The following NUP98 variants were observed in gnomAD, a reference collection of about 807,000 sequenced individuals.
NUP98 encodes nucleoporin 98 and 96 precursor, also known as nuclear pore complex protein Nup98-Nup96.
Under a neutral mutation model 191.9 loss-of-function variants are expected in NUP98, and 26 were observed. That is an observed-to-expected ratio of 0.14 (90% CI 0.10 to 0.19). The LOEUF (loss-of-function observed/expected upper bound fraction) is 0.19. NUP98 is among the 10% of genes least tolerant of loss of function. The pLI is 1.00. For missense variants in NUP98, 1,941 were observed against 2,178.8 expected, an observed-to-expected ratio of 0.89 and a Z score of 2.17; for synonymous variants, 808 against 778.4, an observed-to-expected ratio of 1.04 and a Z score of -0.63.
intron 13 of NUP98, among the ~76,000 whole-genome samples, chr11:3,734,539 T>C (rs555309683): frequency 8.9e-4 from 136 of 152,340 alleles, no homozygotes; most frequent in Non-Finnish European, 1.6e-3. Flanking sequence ...GCAAAATGAC[T>C]TTCTCATTTT....
intron 4 of NUP98, among the ~76,000 whole-genome samples, chr11:3,777,874 A>AACTAAATATTTAT (rs1158416514): frequency 3.3e-5 from 5 of 151,972 alleles, no homozygotes; most frequent in African/African-American, 1.2e-4. Flanking sequence ...TAAATATTTC[A>AACTAAATATTTAT]ATGTTATACA....
At chr11:3,688,025 T>C (rs1306510145) in intron 28 of NUP98, among the ~76,000 whole-genome samples, 34 of 152,208 alleles carry the variant, frequency 2.2e-4, no homozygotes, top group Non-Finnish European at 2.9e-5. Flanking sequence ...TATGGGAAGA[T>C]GAAAAAGTTC....
intron 13 of NUP98, among the ~76,000 whole-genome samples, chr11:3,734,262 A>C (rs1254933830): frequency 5.3e-5 from 8 of 152,098 alleles, no homozygotes; most frequent in Admixed American, 2.6e-4. Context: ...TCGTGAACTG[A>C]ACTCAGGTGA....
chr11:3,745,919 T>C (rs2080471281), intron 11 of NUP98, among the ~76,000 whole-genome samples: 3 of 152,038 alleles, frequency 2.0e-5, no homozygotes, highest in Admixed American at 2.0e-4. Flanking sequence ...ACCCACACAA[T>C]ATAAATCAGT....
chr11:3,714,538 G>A (rs1162885732), intron 18 of NUP98, among the ~76,000 whole-genome samples: 1 of 152,120 alleles, frequency 6.6e-6, no homozygotes, highest in Admixed American at 6.6e-5. Flanking sequence ...TGACTACTAG[G>A]ATGTAATAGG....
intron 12 of NUP98, among the ~76,000 whole-genome samples, chr11:3,740,226 C>CTAA (rs1564868613): frequency 6.6e-6 from 1 of 151,948 alleles, no homozygotes; most frequent in Non-Finnish European, 1.5e-5. Flanking sequence ...AATGGAAAGT[C>CTAA]TAAGCCAGGC....
chr11:3,795,440 T>C (rs955541279), intron 1 of NUP98, among the ~76,000 whole-genome samples: 3 of 152,136 alleles, frequency 2.0e-5, no homozygotes, highest in African/African-American at 4.8e-5. Context: ...AGTGAGACCC[T>C]ATCTCATAAA....
chr11:3,678,439 G>A (rs2077885505), intron 31 of NUP98, among the ~76,000 whole-genome samples: 1 of 152,164 alleles, frequency 6.6e-6, no homozygotes, highest in Admixed American at 6.5e-5. Context: ...ATAGCAACCT[G>A]AAAATATGAA....
intron 15 of NUP98, among the ~76,000 whole-genome samples, chr11:3,724,240 T>A (rs1338507642): frequency 6.6e-6 from 1 of 151,618 alleles, no homozygotes; most frequent in East Asian, 1.9e-4. Context: ...AAGACCAGCT[T>A]GACCAACATG....
chr11:3,785,509 A>C (rs1278473220), intron 1 of NUP98, among the ~76,000 whole-genome samples: 7 of 152,210 alleles, frequency 4.6e-5, no homozygotes, highest in Non-Finnish European at 1.0e-4. Flanking sequence ...CTGTAATCCC[A>C]GCACTTTGGG....
At chr11:3,728,004 G>A (rs1465584687) in intron 14 of NUP98, among the ~76,000 whole-genome samples, 1 of 152,002 alleles carries the variant, frequency 6.6e-6, no homozygotes, top group Non-Finnish European at 1.5e-5. Context: ...CTGGGTGACA[G>A]AGTAAGACCC....
chr11:3,716,152 A>C (rs2079173096), intron 18 of NUP98, among the ~76,000 whole-genome samples: 1 of 152,140 alleles, frequency 6.6e-6, no homozygotes, highest in African/African-American at 2.4e-5. Context: ...TCATTGCCAA[A>C]ACCAATGTTA....
intron 11 of NUP98, among the ~76,000 whole-genome samples, chr11:3,749,164 C>T (rs1430412257): frequency 2.7e-5 from 4 of 150,732 alleles, no homozygotes; most frequent in African/African-American, 4.9e-5. Flanking sequence ...AAAAATTAGC[C>T]GGGCGCGGTG....
intron 11 of NUP98, among the ~76,000 whole-genome samples, chr11:3,751,140 CCT>C: frequency 6.6e-6 from 1 of 152,108 alleles, no homozygotes; most frequent in East Asian, 1.9e-4. Flanking sequence ...GGGCAGATCA[CCT>C]GAGGTCAGGG....
intron 22 of NUP98, among the ~76,000 whole-genome samples, chr11:3,704,705 C>A (rs1467043907): frequency 2.0e-5 from 3 of 152,192 alleles, no homozygotes; most frequent in Admixed American, 2.0e-4. Flanking sequence ...AATTCTAGTT[C>A]TTAAAAACCG....
At chr11:3,692,233 G>A (rs2078335643) in intron 27 of NUP98, among the ~76,000 whole-genome samples, 1 of 151,560 alleles carries the variant, frequency 6.6e-6, no homozygotes, top group Non-Finnish European at 1.5e-5. Flanking sequence ...GGAGGCTGGG[G>A]CCCAGGAGGT....
At chr11:3,790,333 A>C (rs2082293720) in intron 1 of NUP98, among the ~76,000 whole-genome samples, 1 of 152,152 alleles carries the variant, frequency 6.6e-6, no homozygotes, top group African/African-American at 2.4e-5. Context: ...GGCTGAAGTG[A>C]AGAGGGAGTA....
chr11:3,703,187 A>G (rs1037418964), intron 22 of NUP98, among the ~76,000 whole-genome samples: 1 of 150,762 alleles, frequency 6.6e-6, no homozygotes, highest in Admixed American at 6.6e-5. Context: ...AGTCATTTGT[A>G]TATGTTATTT....
chr11:3,711,348 A>C (rs1220897409), intron 20 of NUP98, among the ~76,000 whole-genome samples: 7 of 152,140 alleles, frequency 4.6e-5, no homozygotes, highest in Admixed American at 4.6e-4. Flanking sequence ...TCACAAACAC[A>C]AGTGTCAATA....
Sources: allele counts gnomAD v4.1 joint callset (sites outside exome capture counted in the v4.1 genomes callset), GRCh38; gene constraint gnomAD v4.1.1; transcripts MANE v1.5; gene names NCBI Gene and HGNC (gene_info 2026-07-23, HGNC 2026-07-21).